PHACTR2: variants seen among roughly 807,000 people sequenced by gnomAD.
PHACTR2 encodes the protein phosphatase and actin regulator 2, also known as chromosome 6 open reading frame 56.
A neutral mutation model predicts 76.0 loss-of-function variants in PHACTR2; 30 were observed. The observed-to-expected ratio is 0.39, with a 90% CI of 0.30 to 0.54. PHACTR2 has a LOEUF of 0.54. PHACTR2 is among the 20% of genes least tolerant of loss of function. PHACTR2 has a pLI of 0.61. For synonymous variants in PHACTR2, 292 were observed against 292.5 expected (o/e 1.00, Z 0.02); for missense variants, 696 against 781.1 (o/e 0.89, Z 1.30).
rs1490315582 is a variant in PHACTR2 at position 143,546,907 on chromosome 6, C to G, written c.217+9700C>G. ...AAAAAATTAGCCAGGTGAACTGGTG[C>G]GCACCTGTAGTCCTTGCTACTCAGG... On this transcript the variant is annotated intron_variant, in intron 1 of 11. Coordinates refer to the PHACTR2 transcript ENST00000367584. This position sits in a 1 kb window ranked among gnomAD's most constrained non-coding sequence, Gnocchi z 4.9. 6.6e-6 allele frequency among the ~76,000 whole-genome samples: 1 copy of G among 151,464 alleles called. No homozygotes were observed. Among genetic ancestry groups the G allele is most frequent in the Non-Finnish European group, 1.5e-5 (1 of 67,864 alleles).
At position 143,722,640 on chromosome 6, in the gene PHACTR2, T is replaced by C. The variant is rs1054542760; in HGVS notation, c.214+10457T>C. On this transcript the variant is annotated intron_variant, in intron 2 of 12. Coordinates refer to ENST00000440869, the MANE Select transcript of PHACTR2 (RefSeq NM_001100164.2). The surrounding 1 kb of genome is among the most constrained non-coding windows in gnomAD (Gnocchi z 4.1). ...TTAGAAATAGTCCAGTTCCACTCTTTTAGTTATTTTGAGATATACAATATT... is the reference window on the plus strand; with the variant it reads ...TTAGAAATAGTCCAGTTCCACTCTTCTAGTTATTTTGAGATATACAATATT... 1.3e-5 allele frequency among the ~76,000 whole-genome samples: 2 copies of C among 152,198 alleles called. No individual in the cohort carries two copies. Among genetic ancestry groups the C allele is most frequent in the African/African-American group, 4.8e-5 (2 of 41,466 alleles).
intron 2 of PHACTR2, among the ~76,000 whole-genome samples, chr6:143,723,962 CT>C (rs1352538173): frequency 6.6e-6 from 1 of 151,134 alleles, no homozygotes; most frequent in African/African-American, 2.4e-5. Flanking sequence ...TTTCTTTTTT[CT>C]TTTTTTCTTT....
rs2128488772 is a variant in PHACTR2 at position 143,827,735 on chromosome 6, T to C, written c.*4046T>C. The C allele has an allele frequency of 6.6e-6, 1 of 152,340 alleles. No individual in the cohort carries two copies. The highest frequency in any genetic ancestry group is 2.1e-4 in the South Asian group (1 of 4,826). The allele number at this position is 152,340 out of a possible 1,614,324, so 9.4% of individuals were successfully genotyped here. On this transcript the variant is annotated 3_prime_UTR_variant, in exon 13 of 13. Transcript: ENST00000440869. ...GCAATTTATTTACAGAATTGTCCCT[T>C]GACCTCTTGAAATGGCTAGATCTTT...
intron 1 of PHACTR2, among the ~76,000 whole-genome samples, chr6:143,540,595 G>A (rs1293008684): frequency 3.3e-5 from 5 of 152,012 alleles, no homozygotes; most frequent in Non-Finnish European, 5.9e-5. Context: ...CCCTGACTAT[G>A]CTAGATTATT....
At position 143,554,779 on chromosome 6, in the gene PHACTR2, T is replaced by C. The variant is rs1321638375; in HGVS notation, c.217+17572T>C. The C allele has an allele frequency of 2.6e-5, 4 of 152,150 alleles. No individual in the cohort carries two copies. Among genetic ancestry groups the C allele is most frequent in the Admixed American group, 1.3e-4 (2 of 15,274 alleles). 9.4% of individuals were successfully genotyped at this position (152,150 alleles called of 1,614,324 possible). A position where few individuals can be genotyped will look rare whatever the true frequency, so the allele number is the denominator to read the frequency against. ...CCAGTCTAAGAGGTCAAAAGTGTAATTTTGTCTTTCCCTGATTACTATTGA... is the reference window on the plus strand; with the variant it reads ...CCAGTCTAAGAGGTCAAAAGTGTAACTTTGTCTTTCCCTGATTACTATTGA... On this transcript the variant is annotated intron_variant, in intron 1 of 11. Coordinates refer to the PHACTR2 transcript ENST00000367584. This position sits in a 1 kb window ranked among gnomAD's most constrained non-coding sequence, Gnocchi z 5.9.
chr6:143,560,882 GGTGTGTGTGTGT>G (rs36070460), intron 1 of PHACTR2, among the ~76,000 whole-genome samples: 113 of 133,092 alleles, frequency 8.5e-4, no homozygotes, highest in South Asian at 2.6e-3. Flanking sequence ...AAAGCAGAGG[GGTGTGTGTGTGT>G]GTGTGTGTGT....
intron 2 of PHACTR2, among the ~76,000 whole-genome samples, chr6:143,732,585 G>A (rs1045553166): frequency 1.3e-5 from 2 of 152,062 alleles, no homozygotes; most frequent in Admixed American, 6.6e-5. Context: ...GTGTGCATTT[G>A]TATATAAGTT....
chr6:143,568,538 T>A (rs1225519203), intron 1 of PHACTR2, among the ~76,000 whole-genome samples: 1 of 152,070 alleles, frequency 6.6e-6, no homozygotes, highest in Admixed American at 6.6e-5. Context: ...GGGTAGGGGG[T>A]CTTCCTCCCA....
Position 143,703,145 on chromosome 6 carries a change from CAAAAAATTACT to C in PHACTR2, c.47-8864_47-8854del, listed in dbSNP as rs1366362420. On this transcript the variant is annotated intron_variant, in intron 1 of 12. Coordinates refer to ENST00000440869, the MANE Select transcript of PHACTR2 (RefSeq NM_001100164.2). Reference sequence around the variant, plus strand: ...ACAACATGGTAAAACCCTGTCTCTACAAAAAATTACTAAAAAAAAAAAAAAAAAAAAAGAAC... The same window carrying C: ...ACAACATGGTAAAACCCTGTCTCTACAAAAAAAAAAAAAAAAAAAAAGAAC... Among the ~76,000 whole-genome samples the C allele has an allele frequency of 2.3e-4, 11 of 48,844 alleles. No homozygotes were observed. The East Asian group carries it at 7.0e-3, about 31-fold the overall frequency. The allele number at this position is 48,844 out of a possible 152,430, so 32.0% of individuals were successfully genotyped here.
chr6:143,566,111 G>A (rs9376762), intron 1 of PHACTR2, among the ~76,000 whole-genome samples: 92,887 of 151,270 alleles, frequency 0.61, 28,816 homozygotes, highest in Middle Eastern at 0.73. Flanking sequence ...GCCTTCTGGT[G>A]CACATCATGC....
At position 143,654,599 on chromosome 6, in the gene PHACTR2, G is replaced by T. The variant is rs1476031629; in HGVS notation, c.13+46277G>T. Among the ~76,000 whole-genome samples, 1 of 152,116 alleles carries T rather than the reference G, an allele frequency of 6.6e-6. No homozygotes were observed. The highest frequency in any genetic ancestry group is 1.5e-5 in the Non-Finnish European group (1 of 68,030). ...GTGGGAGGATCACTCGAGGCCTGGA[G>T]TTCAAGACCAGCCTGAGCAACATAG... On this transcript the variant is annotated intron_variant, in intron 1 of 11. Transcript: ENST00000305766. This position sits in a 1 kb window ranked among gnomAD's most constrained non-coding sequence, Gnocchi z 4.6.
intron 1 of PHACTR2, among the ~76,000 whole-genome samples, chr6:143,544,457 CCACCTCCCTATGCTAGGTTTAAGT>C (rs374117154): frequency 0.012 from 1,825 of 152,218 alleles, 46 homozygotes; most frequent in African/African-American, 0.042. Context: ...TTGACACCTG[CCACCTCCCTATGCTAGGTTTAAGT>C]CACCTCCCTA....
In PHACTR2 at chr6:143,827,152, G is replaced by GAAAAAA. The variant is rs1273151738; in HGVS notation, c.*3467_*3468insAAAAAA. On this transcript the variant is annotated 3_prime_UTR_variant, in exon 13 of 13. Coordinates refer to ENST00000440869, the MANE Select transcript of PHACTR2 (RefSeq NM_001100164.2). ...TCAGGGCTGCGTTGGCATTAAAAAA[G>GAAAAAA]AAAATATATATATATATATATATAT... is the stretch of plus-strand genomic sequence containing the variant. The GAAAAAA allele has an allele frequency of 6.5e-4, 26 of 39,896 alleles. No homozygotes were observed. The highest frequency in any genetic ancestry group is 2.3e-3 in the African/African-American group (25 of 11,090). The allele number at this position is 39,896 out of a possible 1,614,324, so 2.5% of individuals were successfully genotyped here.
intron 1 of PHACTR2, among the ~76,000 whole-genome samples, chr6:143,629,533 C>T (rs1331274442): frequency 2.6e-5 from 4 of 152,022 alleles, no homozygotes; most frequent in Non-Finnish European, 5.9e-5. Flanking sequence ...TTGAGTATTG[C>T]GATGGAAGCT....
intron 11 of PHACTR2, among the ~76,000 whole-genome samples, chr6:143,797,740 G>T (rs533227604): frequency 1.3e-5 from 2 of 152,060 alleles, no homozygotes; most frequent in African/African-American, 4.8e-5. Flanking sequence ...TTATTTCTCC[G>T]TTCTGTTCCA....
rs189920978 is a variant in PHACTR2 at position 143,722,835 on chromosome 6, A to G, written c.214+10652A>G. Among the ~76,000 whole-genome samples, 3 of 152,282 alleles carry G rather than the reference A, an allele frequency of 2.0e-5. No homozygotes were observed. The highest frequency in any genetic ancestry group is 7.2e-5 in the African/African-American group (3 of 41,570). On this transcript the variant is annotated intron_variant, in intron 2 of 12. Transcript: ENST00000440869. The surrounding 1 kb of genome is among the most constrained non-coding windows in gnomAD (Gnocchi z 4.1). ...TCAGTTTTTTTGTTTTAGCTCCCAC[A>G]TATGAGTGAGAACATGCAACATTTG...
rs1562685370 is a variant in PHACTR2 at position 143,563,569 on chromosome 6, A to AAAAAAAAAG, written c.217+26364_217+26365insAAAAAAGAA. 4.6e-5 allele frequency among the ~76,000 whole-genome samples: 7 copies of AAAAAAAAAG among 151,930 alleles called. No individual in the cohort carries two copies. The East Asian group carries it at 1.2e-3, about 25-fold the overall frequency. ...TCCGTCTCAAAAAAAAAAAAAAAAA[A>AAAAAAAAAG]AAGAAGAAACCCTGTGTTCTTTCTC... On this transcript the variant is annotated intron_variant, in intron 1 of 11. Transcript: ENST00000367584.
chr6:143,771,166 A>G (rs866185088), intron 6 of PHACTR2, among the ~76,000 whole-genome samples: 319 of 27,660 alleles, frequency 0.012, 20 homozygotes, highest in African/African-American at 0.063. Flanking sequence ...ATGTATATAT[A>G]TATATATGTA....
At chr6:143,552,363 A>G (rs1775106687) in intron 1 of PHACTR2, among the ~76,000 whole-genome samples, 1 of 152,228 alleles carries the variant, frequency 6.6e-6, no homozygotes, top group African/African-American at 2.4e-5. Context: ...AGTTCTAAGA[A>G]TGAAAACCCA....
Sources: allele counts gnomAD v4.1 joint callset (sites outside exome capture counted in the v4.1 genomes callset), GRCh38; gene constraint gnomAD v4.1.1; non-coding constraint Gnocchi (gnomAD v3.1); transcripts MANE v1.5; gene names NCBI Gene and HGNC (gene_info 2026-07-23, HGNC 2026-07-21).